MCM9: variants seen among roughly 807,000 people sequenced by gnomAD.
The protein encoded by MCM9 is minichromosome maintenance 9 homologous recombination repair factor, also known as DNA helicase MCM9.
Under a neutral mutation model 72.8 loss-of-function variants are expected in MCM9, and 55 were observed. That is an observed-to-expected ratio of 0.76 (90% confidence interval 0.61 to 0.95). MCM9 has a LOEUF of 0.95. Among genes scored for constraint, MCM9 ranks in the 40% least tolerant of loss-of-function variants. The pLI is 0.00. For synonymous variants in MCM9, 480 were observed against 503.4 expected (o/e 0.95, Z 0.62); for missense variants, 1,279 against 1,377.0 (o/e 0.93, Z 1.13).
intron 8 of MCM9, among the ~76,000 whole-genome samples, chr6:118,898,496 C>T (rs1562429227): frequency 2.0e-5 from 3 of 150,394 alleles, no homozygotes; most frequent in Non-Finnish European, 4.4e-5. Context: ...GCGATCTCGG[C>T]TCACTGCAAC....
At chr6:118,883,978 G>A (rs1778450868) in intron 8 of MCM9, among the ~76,000 whole-genome samples, 1 of 152,100 alleles carries the variant, frequency 6.6e-6, no homozygotes, top group Non-Finnish European at 1.5e-5. Context: ...AAAAGCAATT[G>A]TATAAAAAAG....
At chr6:118,927,420 A>T (rs1226398440) in intron 3 of MCM9, among the ~76,000 whole-genome samples, 1 of 152,116 alleles carries the variant, frequency 6.6e-6, no homozygotes, top group Non-Finnish European at 1.5e-5. Context: ...CCTGACCAAC[A>T]TGGAGAAACC....
At chr6:118,893,972 TCCGCGCCGCCGC>T in intron 8 of MCM9, 1 of 932,996 alleles carries the variant, frequency 1.1e-6, no homozygotes, top group Non-Finnish European at 1.3e-6. Flanking sequence ...TCCGCCCCTC[TCCGCGCCGCCGC>T]CGGCGGCCTC....
chr6:118,823,267 G>GC (rs1442518446), intron 13 of MCM9, among the ~76,000 whole-genome samples: 2 of 152,186 alleles, frequency 1.3e-5, no homozygotes, highest in Admixed American at 1.3e-4. Flanking sequence ...CTGATCCGTG[G>GC]ATTGCAAAAA....
At chr6:118,874,349 A>G (rs542122455) in intron 8 of MCM9, among the ~76,000 whole-genome samples, 2 of 152,208 alleles carry the variant, frequency 1.3e-5, no homozygotes, top group Non-Finnish European at 1.5e-5. Context: ...GATGCAGAAA[A>G]AGCATCTGAC....
intron 8 of MCM9, among the ~76,000 whole-genome samples, chr6:118,865,299 CT>C (rs1241591504): frequency 6.6e-6 from 1 of 152,184 alleles, no homozygotes; most frequent in Non-Finnish European, 1.5e-5. Flanking sequence ...TTAAAAACAG[CT>C]ATTTCTCCTC....
intron 3 of MCM9, among the ~76,000 whole-genome samples, 167 bp from the exon 4 acceptor site, chr6:118,924,294 A>G (rs995025369): frequency 6.6e-6 from 1 of 152,224 alleles, no homozygotes; most frequent in African/African-American, 2.4e-5. Context: ...AAGAAAATAT[A>G]AAGAATTATT....
intron 13 of MCM9, among the ~76,000 whole-genome samples, chr6:118,817,366 C>T (rs2114495460): frequency 6.6e-6 from 1 of 152,048 alleles, no homozygotes; most frequent in South Asian, 2.1e-4. Flanking sequence ...TCAATTCCCA[C>T]TTATGAGTGA....
intron 6 of MCM9, among the ~76,000 whole-genome samples, chr6:118,915,608 T>C (rs1465882033): frequency 1.3e-5 from 2 of 152,110 alleles, no homozygotes; most frequent in Non-Finnish European, 2.9e-5. Flanking sequence ...AGTGAAGCAT[T>C]CTCCAGCTTT....
chr6:118,867,401 G>A (rs1024546756), intron 8 of MCM9, among the ~76,000 whole-genome samples: 1 of 152,072 alleles, frequency 6.6e-6, no homozygotes, highest in African/African-American at 2.4e-5. Flanking sequence ...GTACTGCTCC[G>A]TTAGTCATAT....
intron 9 of MCM9, among the ~76,000 whole-genome samples, chr6:118,843,736 A>G (rs1243326485): frequency 9.2e-5 from 12 of 129,778 alleles, no homozygotes; most frequent in Middle Eastern, 3.9e-3. Flanking sequence ...ATATATATAT[A>G]TATATGAGAA....
At position 118,816,233 on chromosome 6, in the gene MCM9, C is replaced by A. The variant is rs1448143675; in HGVS notation, c.2023G>T (p.Gly675Ter). The A allele has an allele frequency of 6.5e-7, 1 of 1,550,314 alleles. No individual in the cohort carries two copies. The highest frequency in any genetic ancestry group is 8.7e-7 in the Non-Finnish European group (1 of 1,146,832). ...PRVLEVETTPGSLRNGPGEES... is the reference protein window; with the variant it reads ...PRVLEVETTP ...TCCCCTGGACCATTTCTCAAGGATC[C>A]TGGAGTAGTCTCTACCTCCAATACC... Residue 675 changes from glycine to a stop codon, truncating the protein, a stop_gained, in exon 14 of 14, where the codon GGA becomes TGA. Transcript: ENST00000619706. LOFTEE classifies it low-confidence loss of function (END_TRUNC).
chr6:118,869,173 C>T (rs1331250952), intron 8 of MCM9, among the ~76,000 whole-genome samples: 5 of 152,128 alleles, frequency 3.3e-5, no homozygotes, highest in Admixed American at 6.5e-5. Context: ...GAAAACCAAA[C>T]ACCACATGTT....
chr6:118,917,143 C>A (rs576786907), intron 6 of MCM9, among the ~76,000 whole-genome samples: 1 of 152,158 alleles, frequency 6.6e-6, no homozygotes, highest in East Asian at 1.9e-4. Context: ...CCTAGTTATT[C>A]CCTGTTTTAA....
At chr6:118,843,418 C>T (rs1489053833) in intron 9 of MCM9, among the ~76,000 whole-genome samples, 4 of 151,064 alleles carry the variant, frequency 2.6e-5, no homozygotes, top group South Asian at 2.1e-4. Context: ...CATCTGAGGT[C>T]GGGAGTTCGA....
At chr6:118,845,060 G>C (rs1775765443) in intron 9 of MCM9, among the ~76,000 whole-genome samples, 1 of 151,620 alleles carries the variant, frequency 6.6e-6, no homozygotes, top group Non-Finnish European at 1.5e-5. Context: ...AGTTGGTCTT[G>C]CATAAATCTT....
Position 118,816,268 on chromosome 6 carries a change from G to T in MCM9, c.1988C>A (p.Ser663Tyr), listed in dbSNP as rs1217730802. Reference protein sequence around the residue: ...ERLQNQSVHQSQPRVLEVETT... With the variant: ...ERLQNQSVHQYQPRVLEVETT... ...CTCTACCTCCAATACCCGTGGTTGG[G>T]ATTGGTGCACACTCTGATTCTGTAA... The change falls in exon 14 of 14, where the codon TCC becomes TAC. Residue 663 changes from serine (S) to tyrosine (Y), a missense_variant. Physicochemically the swap from Ser to Tyr is moderately radical, Grantham distance 144. Coordinates refer to ENST00000619706, the MANE Select transcript of MCM9 (RefSeq NM_017696.3). 6.5e-7 allele frequency: 1 copy of T among 1,547,222 alleles called. No homozygotes were observed. Among genetic ancestry groups the T allele is most frequent in the Non-Finnish European group, 8.7e-7 (1 of 1,145,084 alleles).
chr6:118,909,292 T>C (rs1442654452), intron 8 of MCM9: 4 of 152,218 alleles, frequency 2.6e-5, no homozygotes, highest in African/African-American at 4.8e-5. Flanking sequence ...ATTATAACAA[T>C]CTATTTGTAG....
rs533581777 is a variant in MCM9, at chr6:118,857,574, G to A, written c.1151-1029C>T. Among the ~76,000 whole-genome samples, 17 of 132,236 alleles carry A rather than the reference G, an allele frequency of 1.3e-4. No homozygotes were observed. The South Asian group carries it at 2.0e-3, about 15-fold the overall frequency. The allele number at this position is 132,236 out of a possible 152,430, so 86.8% of individuals were successfully genotyped here. ...TAAAAGGTATATGAAACATGAGTACGTTAAGAATAACTATTGTTGATAAAA... is the reference window on the plus strand; with the variant it reads ...TAAAAGGTATATGAAACATGAGTACATTAAGAATAACTATTGTTGATAAAA... On this transcript the variant is annotated intron_variant, in intron 8 of 13. Coordinates refer to ENST00000619706, the MANE Select transcript of MCM9 (RefSeq NM_017696.3).
Sources: gnomAD v4.1 joint callset for allele counts (sites outside exome capture counted in the v4.1 genomes callset) on GRCh38, gnomAD v4.1.1 for gene constraint, MANE v1.5 for transcripts, NCBI Gene and HGNC (gene_info 2026-07-23, HGNC 2026-07-21) for gene names.